The following SDR9C7 variants were observed in gnomAD, a reference collection of about 807,000 sequenced individuals.
The protein encoded by SDR9C7 is short-chain dehydrogenase/reductase family 9C member 7.
In SDR9C7, 11 loss-of-function variants were observed where a neutral mutation model predicts 23.6. The observed-to-expected ratio is 0.47, with a 90% CI of 0.29 to 0.77. The LOEUF (loss-of-function observed/expected upper bound fraction) is 0.77, where lower values mean the gene tolerates loss of function less well. SDR9C7 is among the 30% of genes least tolerant of loss of function. The pLI is 0.09. For synonymous variants in SDR9C7, 167 were observed against 157.3 expected (o/e 1.06, Z -0.46); for missense variants, 387 against 407.1 (o/e 0.95, Z 0.42).
intron 3 of SDR9C7, among the ~76,000 whole-genome samples, chr12:56,925,341 T>C (rs1955726684): frequency 6.6e-6 from 1 of 152,174 alleles, no homozygotes; most frequent in Non-Finnish European, 1.5e-5. Context: ...ACAGGGGGAT[T>C]CATGCTTCAT....
At chr12:56,931,839 A>G (rs1592424300) in intron 1 of SDR9C7, among the ~76,000 whole-genome samples, 1 of 152,120 alleles carries the variant, frequency 6.6e-6, no homozygotes, top group African/African-American at 2.4e-5. Context: ...CTGCAGGCGC[A>G]TCCCACTGTC....
At chr12:56,928,086 G>C (rs1171483049) in intron 3 of SDR9C7, among the ~76,000 whole-genome samples, 1 of 151,970 alleles carries the variant, frequency 6.6e-6, no homozygotes, top group African/African-American at 2.4e-5. Context: ...AATGAATGAA[G>C]ACACCTCCAT....
Position 56,923,777 on chromosome 12 carries a change from G to T in SDR9C7, c.*56C>A. 1.5e-6 allele frequency: 2 copies of T among 1,368,614 alleles called. No homozygotes were observed. The highest frequency in any genetic ancestry group is 2.0e-6 in the Non-Finnish European group (2 of 997,616). The allele number at this position is 1,368,614 out of a possible 1,614,324, so 84.8% of individuals were successfully genotyped here. ...CCGATACCACCTTTTGTGACCCCAC[G>T]GTCCTTCCTTCCTCCCCCACTTCTA... On this transcript the variant is annotated 3_prime_UTR_variant, in exon 4 of 4. Transcript: ENST00000293502.
At chr12:56,932,941 C>A (rs536588823) in intron 1 of SDR9C7, among the ~76,000 whole-genome samples, 2 of 152,312 alleles carry the variant, frequency 1.3e-5, no homozygotes, top group East Asian at 3.9e-4. Flanking sequence ...TGCGCATGGG[C>A]TCCAGACTAG....
rs906579232 is a variant in SDR9C7, at chr12:56,923,577, C to T, written c.*256G>A. 11 of 341,328 alleles carry T rather than the reference C, an allele frequency of 3.2e-5. No homozygotes were observed. Among genetic ancestry groups the T allele is most frequent in the Non-Finnish European group, 5.3e-5 (10 of 188,290 alleles). 21.1% of individuals were successfully genotyped at this position (341,328 alleles called of 1,614,324 possible). A position where few individuals can be genotyped will look rare whatever the true frequency, so the allele number is the denominator to read the frequency against. On this transcript the variant is annotated 3_prime_UTR_variant, in exon 4 of 4. Coordinates refer to ENST00000293502, the MANE Select transcript of SDR9C7 (RefSeq NM_148897.3). ...AGCTGTATCCTGATTGGGTGACAGA[C>T]GTCCTTGGAGCTATTGCTGCAGATC...
Position 56,923,587 on chromosome 12 carries a change from G to A in SDR9C7, c.*246C>T. The stretch of plus-strand genomic sequence containing the variant: ...TGATTGGGTGACAGACGTCCTTGGA[G>A]CTATTGCTGCAGATCGCTGAACCTG... On this transcript the variant is annotated 3_prime_UTR_variant, in exon 4 of 4. Coordinates refer to ENST00000293502, the MANE Select transcript of SDR9C7 (RefSeq NM_148897.3). 1 of 385,914 alleles carries A rather than the reference G, an allele frequency of 2.6e-6. No individual in the cohort carries two copies. Among genetic ancestry groups the A allele is most frequent in the Admixed American group, 4.2e-5 (1 of 23,894 alleles). 23.9% of individuals were successfully genotyped at this position (385,914 alleles called of 1,614,324 possible). A position where few individuals can be genotyped will look rare whatever the true frequency, so the allele number is the denominator to read the frequency against.
chr12:56,930,402 C>G lies in SDR9C7; in HGVS notation c.384G>C (p.Lys128Asn). 1 of 1,614,188 alleles carries G rather than the reference C, an allele frequency of 6.2e-7. No individual in the cohort carries two copies. The highest frequency in any genetic ancestry group is 8.5e-7 in the Non-Finnish European group (1 of 1,180,034). Reference protein sequence around the residue: ...NEWLTKDDFVKVINVNLVGLI... With the variant: ...NEWLTKDDFVNVINVNLVGLI... ...GTCCCACCAGGTTCACATTAATCACCTTCACAAAGTCATCCTTGGTCAGCC... is the reference window on the plus strand; with the variant it reads ...GTCCCACCAGGTTCACATTAATCACGTTCACAAAGTCATCCTTGGTCAGCC... The change falls in exon 2 of 4, where the codon AAG becomes AAC. Residue 128 changes from lysine (K) to asparagine (N), a missense_variant. By Grantham distance (94) the Lys-to-Asn change is moderately conservative. Transcript: ENST00000293502.
At position 56,923,930 on chromosome 12, in the gene SDR9C7, T is replaced by A. The variant is rs1955715416; in HGVS notation, c.845A>T (p.Asp282Val). 6.2e-7 allele frequency: 1 copy of A among 1,614,168 alleles called. No homozygotes were observed. The highest frequency in any genetic ancestry group is 8.5e-7 in the Non-Finnish European group (1 of 1,180,006). ...SPRIRYNPGLDAKLLYIPLAK... is the reference protein window; with the variant it reads ...SPRIRYNPGLVAKLLYIPLAK... ...CAGAGGGATGTAGAGGAGTTTGGCA[T>A]CCAGGCCAGGGTTGTAGCGGATGCG... The change falls in exon 4 of 4, where the codon GAT becomes GTT. Residue 282 changes from aspartate to valine, a missense_variant. Asp to Val is a radical substitution (Grantham distance 152, BLOSUM62 -3). Transcript: ENST00000293502.
rs1412617088 is a variant in SDR9C7 at position 56,923,579 on chromosome 12, T to A, written c.*254A>T. ...CTGTATCCTGATTGGGTGACAGACG[T>A]CCTTGGAGCTATTGCTGCAGATCGC... On this transcript the variant is annotated 3_prime_UTR_variant, in exon 4 of 4. Coordinates refer to ENST00000293502, the MANE Select transcript of SDR9C7 (RefSeq NM_148897.3). The A allele has an allele frequency of 2.8e-6, 1 of 359,412 alleles. No homozygotes were observed. Among genetic ancestry groups the A allele is most frequent in the Non-Finnish European group, 5.0e-6 (1 of 199,346 alleles). 22.3% of individuals were successfully genotyped at this position (359,412 alleles called of 1,614,324 possible).
intron 3 of SDR9C7, among the ~76,000 whole-genome samples, chr12:56,924,449 T>C (rs772199642): frequency 5.9e-5 from 9 of 151,904 alleles, no homozygotes; most frequent in Non-Finnish European, 1.3e-4. Flanking sequence ...AATAAATAAA[T>C]AAATAAACAA....
rs141504379 is a variant in SDR9C7 at position 56,927,595 on chromosome 12, G to A, written c.724+1795C>T. Among the ~76,000 whole-genome samples the A allele has an allele frequency of 2.6e-5, 4 of 152,312 alleles. No homozygotes were observed. In the East Asian group the frequency reaches 7.7e-4, roughly 29 times the overall value. On this transcript the variant is annotated intron_variant, in intron 3 of 3. Transcript: ENST00000293502. ...GGCGCAGTGATTGGTTTAGGGTTGG[G>A]TGCATCTTGTGGTCCCCCATGACGC...
At position 56,934,319 on chromosome 12, in the gene SDR9C7, A is replaced by G; in HGVS notation, c.-58T>C. On this transcript the variant is annotated 5_prime_UTR_variant, in exon 1 of 4. Transcript: ENST00000293502. ...TGGGCTCAGGAGACAGCAGGGAAGA[A>G]GCTGGTCCTCTGAGCCCTAGCAGGC... 1 of 1,487,488 alleles carries G rather than the reference A, an allele frequency of 6.7e-7. No individual in the cohort carries two copies. The highest frequency in any genetic ancestry group is 9.2e-7 in the Non-Finnish European group (1 of 1,088,260). 92.1% of individuals were successfully genotyped at this position (1,487,488 alleles called of 1,614,324 possible).
At chr12:56,926,104 T>C (rs1847946191) in intron 3 of SDR9C7, among the ~76,000 whole-genome samples, 1 of 152,208 alleles carries the variant, frequency 6.6e-6, no homozygotes, top group Non-Finnish European at 1.5e-5. Context: ...GCTGGGCACC[T>C]GGGAAAATGT....
At position 56,934,124 on chromosome 12, in the gene SDR9C7, A is replaced by C; in HGVS notation, c.138T>G (p.Val46=). The change falls in exon 1 of 4, where the codon GTT becomes GTG. Residue 46 remains valine, a synonymous_variant. Transcript: ENST00000293502. The part of the protein sequence containing the change: ...GFGNLLAKQL[V]DRGMQVLAAC... ...CAGCCAGCACCTGCATGCCCCGATCAACCAGCTGTTTGGCCAGCAGGTTCC... is the reference window on the plus strand; with the variant it reads ...CAGCCAGCACCTGCATGCCCCGATCCACCAGCTGTTTGGCCAGCAGGTTCC... 6.2e-7 allele frequency: 1 copy of C among 1,614,230 alleles called. No homozygotes were observed. The highest frequency in any genetic ancestry group is 8.5e-7 in the Non-Finnish European group (1 of 1,180,046).
intron 3 of SDR9C7, 48 bp downstream of exon 3, chr12:56,929,342 G>C (rs1274968094): frequency 6.4e-7 from 1 of 1,573,396 alleles, no homozygotes; most frequent in Admixed American, 1.7e-5. Context: ...ATGACCCCAA[G>C]ACCCACTCGC....
At chr12:56,929,810 T>A (rs1955756698) in intron 2 of SDR9C7, among the ~76,000 whole-genome samples, 1 of 152,226 alleles carries the variant, frequency 6.6e-6, no homozygotes, top group Admixed American at 6.5e-5. Context: ...GCCAAAGCCT[T>A]GCCTCCCACC....
chr12:56,925,169 G>A (rs1319268214), intron 3 of SDR9C7, among the ~76,000 whole-genome samples: 2 of 152,142 alleles, frequency 1.3e-5, no homozygotes, highest in African/African-American at 2.4e-5. Flanking sequence ...ACCTCGTGGG[G>A]CCCTCACAAA....
Position 56,930,266 on chromosome 12 carries a change from C to T in SDR9C7, c.520G>A (p.Val174Ile), listed in dbSNP as rs142957654. 3.3e-4 allele frequency: 540 copies of T among 1,614,154 alleles called. No homozygotes were observed. The highest frequency in any genetic ancestry group is 3.9e-4 in the Non-Finnish European group (456 of 1,180,026). Reference sequence around the variant, plus strand: ...AAGGCCTCAACGCCAAACTTGGAGACGCAGTAGCCACCACCAATGACAGCC... The same window carrying T: ...AAGGCCTCAACGCCAAACTTGGAGATGCAGTAGCCACCACCAATGACAGCC... ...RVAVIGGGYCVSKFGVEAFSD... is the reference protein window; with the variant it reads ...RVAVIGGGYCISKFGVEAFSD... Residue 174 changes from valine to isoleucine, a missense_variant, in exon 2 of 4, where the codon GTC becomes ATC. Physicochemically the swap from Val to Ile is conservative, Grantham distance 29 (BLOSUM62 3). Transcript: ENST00000293502.
At chr12:56,933,873 C>G in intron 1 of SDR9C7, 88 bp downstream of exon 1, 1 of 1,466,208 alleles carries the variant, frequency 6.8e-7, no homozygotes, top group Non-Finnish European at 9.2e-7. Context: ...ATCTGGACAT[C>G]AGGGTCTCTG....
Sources: gnomAD v4.1 joint callset for allele counts (sites outside exome capture counted in the v4.1 genomes callset) on GRCh38, gnomAD v4.1.1 for gene constraint, MANE v1.5 for transcripts, NCBI Gene and HGNC (gene_info 2026-07-23, HGNC 2026-07-21) for gene names.